Variants in GEMIN5 observed in about 807,000 individuals in gnomAD.
GEMIN5 encodes the protein gem nuclear organelle associated protein 5.
In GEMIN5, 124 loss-of-function variants were observed where a neutral mutation model predicts 176.9. The ratio of observed to expected loss-of-function variants is 0.70; its 90% CI spans 0.61 to 0.81. The LOEUF (loss-of-function observed/expected upper bound fraction) is 0.81, where lower values mean the gene tolerates loss of function less well. GEMIN5 is among the 40% of genes least tolerant of loss of function. The pLI is 0.00. For missense variants in GEMIN5, 1,843 were observed against 1,814.6 expected, an observed-to-expected ratio of 1.02 and a Z score of -0.28; for synonymous variants, 673 against 665.2, an observed-to-expected ratio of 1.01 and a Z score of -0.18.
intron 24 of GEMIN5, among the ~76,000 whole-genome samples, chr5:154,894,193 C>T (rs1463368882): frequency 2.0e-5 from 3 of 152,168 alleles, no homozygotes; most frequent in Admixed American, 6.5e-5. Context: ...GATCCACCCG[C>T]GTTGGCCTCC....
intron 4 of GEMIN5, 37 bp from the exon 5 acceptor site, chr5:154,931,614 T>C: frequency 6.4e-7 from 1 of 1,553,864 alleles, no homozygotes; most frequent in South Asian, 1.1e-5. Flanking sequence ...TTAATTTACA[T>C]TAAACACGCA....
chr5:154,898,048 G>A (rs908987900), intron 23 of GEMIN5, among the ~76,000 whole-genome samples: 14 of 151,450 alleles, frequency 9.2e-5, no homozygotes, highest in African/African-American at 2.2e-4. Flanking sequence ...TTACAGAAGC[G>A]TGCCACCACG....
intron 27 of GEMIN5, 82 bp from the exon 28 acceptor site, chr5:154,888,459 C>A (rs1763153986): frequency 5.9e-6 from 7 of 1,186,220 alleles, no homozygotes; most frequent in Non-Finnish European, 7.3e-6. Context: ...ACCAGTCACT[C>A]AGGTTCATCT....
In GEMIN5 at chr5:154,912,958, C is replaced by T. The variant is rs773908459; in HGVS notation, c.1936G>A (p.Ala646Thr). ...CTTCCATCATGATGTGGGCTCCACG[C>T]CACACTGGTAATCTTGGCCGTATGC... is the stretch of plus-strand genomic sequence containing the variant. ...SGHTAKITSVAWSPHHDGRLV... is the reference protein window; with the variant it reads ...SGHTAKITSVTWSPHHDGRLV... Residue 646 changes from alanine to threonine, a missense_variant, in exon 14 of 28, where the codon GCG (alanine) becomes ACG (threonine). Ala to Thr is a moderately conservative substitution (Grantham distance 58). Transcript: ENST00000285873. 6.8e-6 allele frequency: 11 copies of T among 1,613,840 alleles called. No homozygotes were observed. The East Asian group carries it at 2.0e-4, about 29-fold the overall frequency.
Position 154,887,641 on chromosome 5 carries a change from CAACCTAAAATTCT to C in GEMIN5, c.*556_*568del, listed in dbSNP as rs1190081973. The C allele has an allele frequency of 1.3e-5, 2 of 152,188 alleles. No homozygotes were observed. Among genetic ancestry groups the C allele is most frequent in the Non-Finnish European group, 2.9e-5 (2 of 68,064 alleles). The allele number at this position is 152,188 out of a possible 1,614,324, so 9.4% of individuals were successfully genotyped here. ...ACATGAAAGAATAAAACCAAATTTCCAACCTAAAATTCTGACAGGAGAGTCAACATGATGGTTA... is the reference window on the plus strand; with the variant it reads ...ACATGAAAGAATAAAACCAAATTTCCGACAGGAGAGTCAACATGATGGTTA... On this transcript the variant is annotated 3_prime_UTR_variant, in exon 28 of 28. Coordinates refer to ENST00000285873, the MANE Select transcript of GEMIN5 (RefSeq NM_015465.5).
chr5:154,922,542 G>GCCTCCTACAA (rs1763945884), intron 9 of GEMIN5, among the ~76,000 whole-genome samples: 3 of 152,148 alleles, frequency 2.0e-5, no homozygotes, highest in Admixed American at 2.0e-4. Flanking sequence ...ACCACTCTCT[G>GCCTCCTACAA]GCTATTACAT....
At chr5:154,912,288 C>G (rs1239562240) in intron 14 of GEMIN5, among the ~76,000 whole-genome samples, 7 of 152,180 alleles carry the variant, frequency 4.6e-5, no homozygotes, top group Non-Finnish European at 4.4e-5. Flanking sequence ...GTCTCCAACT[C>G]CTTGAGTAAT....
In GEMIN5 at chr5:154,902,269, CCATTATATCTTTTAAAATTTACTAGA is replaced by C. The variant is rs1386160336; in HGVS notation, c.2866+244_2866+269del. ...AGCAGCTGGGGACTACAGACTTGTG[CCATTATATCTTTTAAAATTTACTAGA>C]CATGGCCAAATTGTCCTTCAAGAAG... On this transcript the variant is annotated intron_variant, in intron 20 of 27. Transcript: ENST00000285873. Among the ~76,000 whole-genome samples, 4 of 152,284 alleles carry C rather than the reference CCATTATATCTTTTAAAATTTACTAGA, an allele frequency of 2.6e-5. No individual in the cohort carries two copies. The East Asian group carries it at 7.7e-4, about 29-fold the overall frequency.
Position 154,926,136 on chromosome 5 carries a change from C to A in GEMIN5, c.1081-62G>T, listed in dbSNP as rs1412863490. On this transcript the variant is annotated intron_variant, in intron 7 of 27. Coordinates refer to ENST00000285873, the MANE Select transcript of GEMIN5 (RefSeq NM_015465.5). ...AGAACAGAGAAATAGGAAAAAAAAC[C>A]TGATATGTCAAATGGGATAGGCTCA... 6.8e-5 allele frequency: 71 copies of A among 1,040,522 alleles called. No individual in the cohort carries two copies. The East Asian group carries it at 7.0e-4, about 10-fold the overall frequency. 64.5% of individuals were successfully genotyped at this position (1,040,522 alleles called of 1,614,324 possible).
chr5:154,908,015 C>T (rs1341544736), intron 15 of GEMIN5, among the ~76,000 whole-genome samples, 197 bp from the exon 16 acceptor site: 1 of 151,974 alleles, frequency 6.6e-6, no homozygotes, highest in African/African-American at 2.4e-5. Context: ...AAACATGATG[C>T]CCAATAACAC....
intron 3 of GEMIN5, among the ~76,000 whole-genome samples, chr5:154,935,331 A>G (rs1048943867): frequency 6.9e-4 from 105 of 152,354 alleles, no homozygotes; most frequent in African/African-American, 2.5e-3. Context: ...TTAAGTCTTC[A>G]AATTAGAGAA....
rs1763921214 is a variant in GEMIN5, at chr5:154,921,527, T to G, written c.1380-102A>C. Reference sequence around the variant, plus strand: ...AAAAGGTCCCCATTATAAACATAACTACTAATAATTGGAGAAAAATAATTC... The same window carrying G: ...AAAAGGTCCCCATTATAAACATAACGACTAATAATTGGAGAAAAATAATTC... On this transcript the variant is annotated intron_variant, in intron 9 of 27. Transcript: ENST00000285873. 3 of 655,726 alleles carry G rather than the reference T, an allele frequency of 4.6e-6. No individual in the cohort carries two copies. In the African/African-American group the frequency reaches 5.8e-5, roughly 13 times the overall value. The allele number at this position is 655,726 out of a possible 1,614,324, so 40.6% of individuals were successfully genotyped here. A position where few individuals can be genotyped will look rare whatever the true frequency, so the allele number is the denominator to read the frequency against.
At chr5:154,936,087 T>A in intron 2 of GEMIN5, 65 bp from the exon 3 acceptor site, 1 of 1,023,568 alleles carries the variant, frequency 9.8e-7, no homozygotes, top group East Asian at 2.5e-5. Flanking sequence ...TTAACTTGTA[T>A]CACAAACCAG....
At chr5:154,927,938 CTG>C (rs921991831) in intron 6 of GEMIN5, among the ~76,000 whole-genome samples, 2 of 151,736 alleles carry the variant, frequency 1.3e-5, no homozygotes, top group African/African-American at 4.9e-5. Flanking sequence ...CTGCAGTGAG[CTG>C]TGTTTGCACC....
In GEMIN5 at chr5:154,889,373, T is replaced by C. The variant is rs1477418722; in HGVS notation, c.4307A>G (p.Lys1436Arg). 3 of 1,611,370 alleles carry C rather than the reference T, an allele frequency of 1.9e-6. No individual in the cohort carries two copies. The highest frequency in any genetic ancestry group is 8.5e-7 in the Non-Finnish European group (1 of 1,177,530). ...NEPLSLPELT[K>R]RLTEANQRMA... ...TCTCTGATTTGCCTCGGTAAGCCTT[T>C]TGGTTAACTCAGGCAGAGAAAGTGG... Residue 1436 changes from lysine (K) to arginine (R), a missense_variant, in exon 27 of 28, where the codon AAA becomes AGA. By Grantham distance (26) the Lys-to-Arg change is conservative. Transcript: ENST00000285873.
intron 26 of GEMIN5, 85 bp downstream of exon 26, chr5:154,891,156 A>T: frequency 1.5e-6 from 2 of 1,295,356 alleles, no homozygotes; most frequent in South Asian, 2.9e-5. Context: ...CAGCCTCCCA[A>T]AGTGCTGGGA....
rs1764182518 is a variant in GEMIN5, at chr5:154,932,160, G to C, written c.600C>G (p.Ser200=). Residue 200 remains serine, a synonymous_variant, in exon 4 of 28, where the codon TCC becomes TCG. Transcript: ENST00000285873. The stretch of plus-strand genomic sequence containing the variant: ...CACCAGGCAGGGGACACCAGGCTAT[G>C]GAGTGGATTTCATCATCATGGCCTC... ...RLRGHDDEIH[S]IAWCPLPGED... The C allele has an allele frequency of 1.9e-6, 3 of 1,612,792 alleles. No homozygotes were observed. In the Admixed American group the frequency reaches 5.0e-5, roughly 27 times the overall value.
Position 154,918,108 on chromosome 5 carries a change from T to C in GEMIN5, c.1600-104A>G. On this transcript the variant is annotated intron_variant, in intron 11 of 27. Transcript: ENST00000285873. ...CTAGAGTTTAAAAACGTTTTAATTATACAACAGCTATTCTTGTAAATAATC... is the reference window on the plus strand; with the variant it reads ...CTAGAGTTTAAAAACGTTTTAATTACACAACAGCTATTCTTGTAAATAATC... 3 of 689,332 alleles carry C rather than the reference T, an allele frequency of 4.4e-6. 1 individual carries two copies. The highest frequency in any genetic ancestry group is 3.2e-5 in the South Asian group (2 of 61,694). 42.7% of individuals were successfully genotyped at this position (689,332 alleles called of 1,614,324 possible).
chr5:154,901,155 G>T (rs1446558931), intron 21 of GEMIN5, among the ~76,000 whole-genome samples, 184 bp downstream of exon 21: 1 of 152,128 alleles, frequency 6.6e-6, no homozygotes, highest in Non-Finnish European at 1.5e-5. Flanking sequence ...GCAAGACTCC[G>T]TCTCTACAAA....
Sources: allele counts gnomAD v4.1 joint callset (sites outside exome capture counted in the v4.1 genomes callset), GRCh38; gene constraint gnomAD v4.1.1; transcripts MANE v1.5; gene names NCBI Gene and HGNC (gene_info 2026-07-23, HGNC 2026-07-21).